Variants in STAT4 observed in about 807,000 individuals in gnomAD.
The protein encoded by STAT4 is signal transducer and activator of transcription 4.
Under a neutral mutation model 110.5 loss-of-function variants are expected in STAT4, and 42 were observed. The ratio of observed to expected loss-of-function variants is 0.38; its 90% CI spans 0.30 to 0.49. The LOEUF (loss-of-function observed/expected upper bound fraction) is 0.49. Ranked by LOEUF, STAT4 falls within the 20% of genes least tolerant of loss-of-function variation. The pLI is 0.95. For missense variants in STAT4, 632 were observed against 887.9 expected (o/e 0.71, Z 3.66); for synonymous variants, 284 against 302.2 (o/e 0.94, Z 0.63).
chr2:191,142,854 A>G lies in STAT4; in HGVS notation c.273+3759T>C, dbSNP rs1299560469. Among the ~76,000 whole-genome samples, 1 of 152,014 alleles carries G rather than the reference A, an allele frequency of 6.6e-6. No individual in the cohort carries two copies. The highest frequency in any genetic ancestry group is 1.9e-4 in the East Asian group (1 of 5,182). On this transcript the variant is annotated intron_variant, in intron 3 of 23. Coordinates refer to ENST00000392320, the MANE Select transcript of STAT4 (RefSeq NM_003151.4). The surrounding 1 kb of genome is among the most constrained non-coding windows in gnomAD (Gnocchi z 4.1). ...GGATGAATATTGGAGAGGACAGGAG[A>G]TTTTCAGGGGCCATGAAACTCTCTA...
chr2:191,102,193 C>T (rs906431733), intron 3 of STAT4, among the ~76,000 whole-genome samples: 2 of 152,100 alleles, frequency 1.3e-5, no homozygotes, highest in East Asian at 3.9e-4. Flanking sequence ...ACATGCTTAC[C>T]GTTCCAATAA....
rs1699479270 is a variant in STAT4, at chr2:191,146,990, A to G, written c.129-233T>C. On this transcript the variant is annotated intron_variant, in intron 2 of 23. Transcript: ENST00000392320. The surrounding 1 kb of genome is among the most constrained non-coding windows in gnomAD (Gnocchi z 4.5). ...TACCCATTAGGGTGGCTATTATAAAAAGGAAAAGAAAAAACAGAAAATGAG... is the reference window on the plus strand; with the variant it reads ...TACCCATTAGGGTGGCTATTATAAAGAGGAAAAGAAAAAACAGAAAATGAG... 6.6e-6 allele frequency among the ~76,000 whole-genome samples: 1 copy of G among 152,206 alleles called. No homozygotes were observed. The highest frequency in any genetic ancestry group is 2.1e-4 in the South Asian group (1 of 4,832).
chr2:191,128,689 C>T (rs1698949802), intron 3 of STAT4, among the ~76,000 whole-genome samples: 1 of 152,120 alleles, frequency 6.6e-6, no homozygotes, highest in Non-Finnish European at 1.5e-5. Context: ...ATGTGAGGTG[C>T]AGGTGACACC....
chr2:191,098,706 A>G lies in STAT4; in HGVS notation c.274-22381T>C, dbSNP rs1698074390. Among the ~76,000 whole-genome samples the G allele has an allele frequency of 2.6e-5, 4 of 152,240 alleles. No homozygotes were observed. In the South Asian group the frequency reaches 8.3e-4, roughly 32 times the overall value. The stretch of plus-strand genomic sequence containing the variant: ...AAACAAACATGGCACATGTTTACCT[A>G]TGTAACAAACCTGCACGTTGTGCAC... On this transcript the variant is annotated intron_variant, in intron 3 of 23. Coordinates refer to ENST00000392320, the MANE Select transcript of STAT4 (RefSeq NM_003151.4).
rs563805567 is a variant in STAT4 at position 191,118,575 on chromosome 2, A to T, written c.273+28038T>A. 5.9e-5 allele frequency among the ~76,000 whole-genome samples: 9 copies of T among 152,296 alleles called. No homozygotes were observed. In the East Asian group the frequency reaches 1.7e-3, roughly 29 times the overall value. On this transcript the variant is annotated intron_variant, in intron 3 of 23. Coordinates refer to ENST00000392320, the MANE Select transcript of STAT4 (RefSeq NM_003151.4). ...GTTTTTTAATAGTGCTATAAGTTGC[A>T]TGGAGATACTTCAATTTATTTAATC...
At chr2:191,069,836 A>T in intron 5 of STAT4, 65 bp from the exon 6 acceptor site, 5 of 1,343,266 alleles carry the variant, frequency 3.7e-6, no homozygotes, top group Non-Finnish European at 5.2e-6. Context: ...AAACAACATC[A>T]TAAGTATTTT....
chr2:191,031,186 A>G lies in STAT4; in HGVS notation c.2112-106T>C. On this transcript the variant is annotated intron_variant, in intron 22 of 23. Coordinates refer to ENST00000392320, the MANE Select transcript of STAT4 (RefSeq NM_003151.4). The surrounding 1 kb of genome is among the most constrained non-coding windows in gnomAD (Gnocchi z 4.8). ...ATTTCTAGGGCTTCATCTATTTGTG[A>G]CATTGAGTTATCTAATTCATCATTT... 1.7e-6 allele frequency: 2 copies of G among 1,170,754 alleles called. No homozygotes were observed. The highest frequency in any genetic ancestry group is 2.5e-6 in the Non-Finnish European group (2 of 800,186). 72.5% of individuals were successfully genotyped at this position (1,170,754 alleles called of 1,614,324 possible).
chr2:191,141,894 C>A (rs1022319722), intron 3 of STAT4, among the ~76,000 whole-genome samples: 3 of 152,008 alleles, frequency 2.0e-5, no homozygotes, highest in African/African-American at 7.2e-5. Context: ...TGAGCTACCA[C>A]GCCCAGCCTA....
Position 191,082,956 on chromosome 2 carries a change from T to C in STAT4, c.274-6631A>G, listed in dbSNP as rs1297926431. Among the ~76,000 whole-genome samples the C allele has an allele frequency of 6.6e-6, 1 of 152,154 alleles. No homozygotes were observed. Among genetic ancestry groups the C allele is most frequent in the African/African-American group, 2.4e-5 (1 of 41,406 alleles). ...CAAATTTCTTCTGTATTGTGAAGGA[T>C]TTTTCAGATGATGTTCTCTGACTGT... is the stretch of plus-strand genomic sequence containing the variant. On this transcript the variant is annotated intron_variant, in intron 3 of 23. Transcript: ENST00000392320. This position sits in a 1 kb window ranked among gnomAD's most constrained non-coding sequence, Gnocchi z 4.7.
intron 5 of STAT4, among the ~76,000 whole-genome samples, chr2:191,072,085 T>A (rs937772354): frequency 6.6e-6 from 1 of 152,072 alleles, no homozygotes; most frequent in African/African-American, 2.4e-5. Context: ...CTCAAAACAG[T>A]TGGGGATCCA....
intron 3 of STAT4, among the ~76,000 whole-genome samples, chr2:191,098,306 A>G (rs1388584001): frequency 2.0e-5 from 3 of 152,236 alleles, no homozygotes; most frequent in African/African-American, 7.2e-5. Flanking sequence ...ATAAAGACAC[A>G]TGCACACGTG....
chr2:191,069,989 T>C (rs1047717618), intron 5 of STAT4, among the ~76,000 whole-genome samples: 1 of 152,212 alleles, frequency 6.6e-6, no homozygotes, highest in East Asian at 1.9e-4. Flanking sequence ...TCTCTCTTTT[T>C]ACTTGCCTGG....
At chr2:191,129,554 G>A (rs2125411487) in intron 3 of STAT4, among the ~76,000 whole-genome samples, 1 of 152,268 alleles carries the variant, frequency 6.6e-6, no homozygotes, top group Non-Finnish European at 1.5e-5. Flanking sequence ...TAGGAGAGGT[G>A]ATAAATCCAT....
At chr2:191,123,574 T>C (rs139478146) in intron 3 of STAT4, among the ~76,000 whole-genome samples, 15 of 152,324 alleles carry the variant, frequency 9.8e-5, no homozygotes, top group Middle Eastern at 3.4e-3. Flanking sequence ...ATATTCTAAA[T>C]TGAAAATGTG....
rs1307787585 is a variant in STAT4 at position 191,050,619 on chromosome 2, C to A, written c.1251+3871G>T. Among the ~76,000 whole-genome samples the A allele has an allele frequency of 6.6e-6, 1 of 151,284 alleles. No individual in the cohort carries two copies. Among genetic ancestry groups the A allele is most frequent in the Non-Finnish European group, 1.5e-5 (1 of 67,856 alleles). On this transcript the variant is annotated intron_variant, in intron 14 of 23. Coordinates refer to ENST00000392320, the MANE Select transcript of STAT4 (RefSeq NM_003151.4). The surrounding 1 kb of genome is among the most constrained non-coding windows in gnomAD (Gnocchi z 4.3). ...TTTTTTTTTGACCTTGGTACATATT[C>A]TTGAAAGTAAACTTCCCACCAGAGT...
At chr2:191,121,305 C>T (rs1698720464) in intron 3 of STAT4, among the ~76,000 whole-genome samples, 1 of 152,188 alleles carries the variant, frequency 6.6e-6, no homozygotes, top group South Asian at 2.1e-4. Context: ...GAAATAGGAA[C>T]ACTTTTACAC....
chr2:191,112,131 T>A lies in STAT4; in HGVS notation c.273+34482A>T, dbSNP rs1318044455. The stretch of plus-strand genomic sequence containing the variant: ...TTGTACACTTTAAATATATATATAT[T>A]GTATGTCATTATACCTCTGTAAGGT... On this transcript the variant is annotated intron_variant, in intron 3 of 23. Coordinates refer to ENST00000392320, the MANE Select transcript of STAT4 (RefSeq NM_003151.4). This position sits in a 1 kb window ranked among gnomAD's most constrained non-coding sequence, Gnocchi z 4.3. Among the ~76,000 whole-genome samples, 1 of 152,098 alleles carries A rather than the reference T, an allele frequency of 6.6e-6. No homozygotes were observed. The highest frequency in any genetic ancestry group is 1.5e-5 in the Non-Finnish European group (1 of 68,030).
intron 13 of STAT4, among the ~76,000 whole-genome samples, chr2:191,057,693 G>T (rs1274536560): frequency 6.6e-6 from 1 of 150,682 alleles, no homozygotes; most frequent in Non-Finnish European, 1.5e-5. Context: ...CCGTCTGCCG[G>T]GTTCAAGTGA....
intron 3 of STAT4, among the ~76,000 whole-genome samples, chr2:191,076,642 T>G (rs1201659736): frequency 6.8e-6 from 1 of 147,352 alleles, no homozygotes; most frequent in Non-Finnish European, 1.5e-5. Flanking sequence ...TTTGGGCAGG[T>G]TTTTTCTTTT....
Sources: gnomAD v4.1 joint callset for allele counts (sites outside exome capture counted in the v4.1 genomes callset) on GRCh38, gnomAD v4.1.1 for gene constraint, Gnocchi (gnomAD v3.1) non-coding constraint, MANE v1.5 for transcripts, NCBI Gene and HGNC (gene_info 2026-07-23, HGNC 2026-07-21) for gene names.